Variants in PLCG2 observed in about 807,000 individuals in gnomAD.
The protein encoded by PLCG2 is 1-phosphatidylinositol 4,5-bisphosphate phosphodiesterase gamma-2.
In PLCG2, 69 loss-of-function variants were observed where a neutral mutation model predicts 175.6. The ratio of observed to expected loss-of-function variants is 0.39; its 90% CI spans 0.32 to 0.48. The LOEUF is 0.48. Among genes scored for constraint, PLCG2 ranks in the 20% least tolerant of loss-of-function variants. The pLI is 0.91. For missense variants in PLCG2, 1,798 were observed against 1,650.9 expected (o/e 1.09, Z -1.54); for synonymous variants, 827 against 624.0 (o/e 1.33, Z -4.85).
rs188024112 is a variant in PLCG2, at chr16:81,841,759, A to G, written c.194-12685A>G. On this transcript the variant is annotated intron_variant, in intron 2 of 32. Coordinates refer to ENST00000564138, the MANE Select transcript of PLCG2 (RefSeq NM_002661.5). ...GTGTGCCTCGGAAGCCCCTTTTGTCATTACATGTTCTTCTGCTGTGTATCT... is the reference window on the plus strand; with the variant it reads ...GTGTGCCTCGGAAGCCCCTTTTGTCGTTACATGTTCTTCTGCTGTGTATCT... 9.8e-4 allele frequency among the ~76,000 whole-genome samples: 149 copies of G among 152,232 alleles called. 2 individuals are homozygous for G. The East Asian group carries it at 0.023, about 23-fold the overall frequency.
At chr16:81,854,619 C>T (rs1450987012) in intron 3 of PLCG2, 32 bp downstream of exon 3, 3 of 1,604,836 alleles carry the variant, frequency 1.9e-6, no homozygotes, top group South Asian at 2.2e-5. Context: ...TTTCTCCTTC[C>T]CTGTGCCTTA....
At chr16:81,910,844 A>T in intron 18 of PLCG2, 124 bp downstream of exon 18, 4 of 885,406 alleles carry the variant, frequency 4.5e-6, no homozygotes. Flanking sequence ...GCCCACCGGC[A>T]TCTCAAAATT....
At chr16:81,938,607 T>G in intron 28 of PLCG2, 194 bp from the exon 29 acceptor site, 1 of 579,896 alleles carries the variant, frequency 1.7e-6, no homozygotes, top group East Asian at 2.8e-5. Flanking sequence ...AGGCTGATGC[T>G]GAGGAACTGT....
chr16:81,772,301 C>T (rs945261668), intron 2 of PLCG2, among the ~76,000 whole-genome samples: 5 of 152,090 alleles, frequency 3.3e-5, no homozygotes, highest in African/African-American at 7.2e-5. Flanking sequence ...CCACAGAACC[C>T]GGGAGAAAGG....
intron 2 of PLCG2, among the ~76,000 whole-genome samples, chr16:81,816,128 T>C (rs552792681): frequency 4.6e-5 from 7 of 151,856 alleles, no homozygotes; most frequent in African/African-American, 1.7e-4. Flanking sequence ...CCCAGCACTT[T>C]GGGAGGCTGA....
chr16:81,937,943 C>G, intron 28 of PLCG2, 40 bp downstream of exon 28: 1 of 1,607,406 alleles, frequency 6.2e-7, no homozygotes, highest in Non-Finnish European at 8.5e-7. Flanking sequence ...GAGCCAGCCG[C>G]CCTCCCTGGG....
At chr16:81,743,834 A>C (rs1186234463) in intron 1 of PLCG2, among the ~76,000 whole-genome samples, 2 of 151,450 alleles carry the variant, frequency 1.3e-5, no homozygotes, top group Admixed American at 6.6e-5. Context: ...TTTCAGTTAC[A>C]TGAGGGGATA....
intron 1 of PLCG2, among the ~76,000 whole-genome samples, chr16:81,783,942 C>T (rs1910857098): frequency 6.6e-6 from 1 of 152,044 alleles, no homozygotes; most frequent in Admixed American, 6.6e-5. Flanking sequence ...TGCTTTTTTC[C>T]CCTGAAAGCT....
rs1911703468 is a variant in PLCG2 at position 81,959,521 on chromosome 16, A to G, written c.*1523A>G. ...ACAAGCTCCTAAAAGAAAGCCATTT[A>G]CCTCGCTTGAAGCCAGGAACACAGG... On this transcript the variant is annotated 3_prime_UTR_variant, in exon 33 of 33. Transcript: ENST00000564138. 1 of 209,788 alleles carries G rather than the reference A, an allele frequency of 4.8e-6. No homozygotes were observed. Among genetic ancestry groups the G allele is most frequent in the East Asian group, 7.2e-5 (1 of 13,980 alleles). The allele number at this position is 209,788 out of a possible 1,614,324, so 13.0% of individuals were successfully genotyped here. A position where few individuals can be genotyped will look rare whatever the true frequency, so the allele number is the denominator to read the frequency against.
chr16:81,928,581 G>C lies in PLCG2; in HGVS notation c.2538G>C (p.Gly846=). The C allele has an allele frequency of 1.9e-6, 3 of 1,607,470 alleles. No individual in the cohort carries two copies. The highest frequency in any genetic ancestry group is 2.2e-5 in the South Asian group (2 of 90,942). ...EKQIIEDNPL[G]SLCRGILDLN... is the part of the protein sequence containing the mutation. ...AGATTATTGAAGACAATCCCTTAGGGTCTCTTTGCAGAGGAATATTGGACC... is the reference window on the plus strand; with the variant it reads ...AGATTATTGAAGACAATCCCTTAGGCTCTCTTTGCAGAGGAATATTGGACC... The change falls in exon 24 of 33, where the codon GGG becomes GGC. Residue 846 remains glycine, a synonymous_variant. Transcript: ENST00000564138.
chr16:81,863,673 C>T (rs968203647), intron 5 of PLCG2, among the ~76,000 whole-genome samples: 3 of 152,244 alleles, frequency 2.0e-5, no homozygotes, highest in African/African-American at 7.2e-5. Context: ...GCAGCTACAC[C>T]TTCCCAAGGC....
At chr16:81,913,488 T>G (rs1032044063) in intron 19 of PLCG2, among the ~76,000 whole-genome samples, 4 of 152,210 alleles carry the variant, frequency 2.6e-5, no homozygotes, top group African/African-American at 7.2e-5. Flanking sequence ...TCAACTGAGT[T>G]TGAGGTTCAG....
In PLCG2 at chr16:81,934,517, C is replaced by A; in HGVS notation, c.2828C>A (p.Thr943Asn). The A allele has an allele frequency of 6.2e-7, 1 of 1,605,776 alleles. No individual in the cohort carries two copies. The highest frequency in any genetic ancestry group is 8.5e-7 in the Non-Finnish European group (1 of 1,172,594). The change falls in exon 26 of 33, where the codon ACC (threonine) becomes AAC (asparagine). Residue 943 changes from threonine (T) to asparagine (N), a missense_variant. By Grantham distance (65) the Thr-to-Asn change is moderately conservative. Transcript: ENST00000564138. ...GTCTACTGCAAACCAACCAGCAAAA[C>A]CAAGGACAACTTAGGTAACATCTTT... is the stretch of plus-strand genomic sequence containing the variant. ...LVVYCKPTSK[T>N]KDNLENPDFR...
chr16:81,771,264 G>T (rs1179728247), intron 2 of PLCG2, among the ~76,000 whole-genome samples: 1 of 152,100 alleles, frequency 6.6e-6, no homozygotes, highest in Non-Finnish European at 1.5e-5. Flanking sequence ...GTCTCTTTCT[G>T]TTGCTCAGGC....
Position 81,880,127 on chromosome 16 carries a change from G to A in PLCG2, c.649-783G>A, listed in dbSNP as rs529053379. Among the ~76,000 whole-genome samples, 17 of 152,306 alleles carry A rather than the reference G, an allele frequency of 1.1e-4. No individual in the cohort carries two copies. The South Asian group carries it at 3.5e-3, about 32-fold the overall frequency. ...ATGGTGGCGCATGCCTGTAGTCCTAGTTACGCAGGAAGCTAATACAGGAAG... is the reference window on the plus strand; with the variant it reads ...ATGGTGGCGCATGCCTGTAGTCCTAATTACGCAGGAAGCTAATACAGGAAG... On this transcript the variant is annotated intron_variant, in intron 7 of 32. Coordinates refer to ENST00000564138, the MANE Select transcript of PLCG2 (RefSeq NM_002661.5).
chr16:81,907,174 AAG>A (rs1417135105), intron 15 of PLCG2, among the ~76,000 whole-genome samples: 5 of 152,166 alleles, frequency 3.3e-5, no homozygotes, highest in African/African-American at 9.7e-5. Context: ...TATTAAAAAA[AAG>A]AGTTTCTGCA....
chr16:81,904,668 A>C (rs568263121), intron 14 of PLCG2, among the ~76,000 whole-genome samples: 1 of 152,164 alleles, frequency 6.6e-6, no homozygotes, highest in African/African-American at 2.4e-5. Flanking sequence ...TTGTTTATTC[A>C]CCGAGTATCA....
chr16:81,897,531 T>C (rs1299830465), intron 13 of PLCG2, among the ~76,000 whole-genome samples: 2 of 124,132 alleles, frequency 1.6e-5, no homozygotes, highest in African/African-American at 5.6e-5. Flanking sequence ...TTCTCTTTTT[T>C]TCTTTTCTTT....
chr16:81,898,719 A>G, intron 13 of PLCG2: 1 of 152,038 alleles, frequency 6.6e-6, no homozygotes, highest in Non-Finnish European at 1.5e-5. Context: ...ATAACTGGGG[A>G]AATTTGAGTA....
Sources: allele counts gnomAD v4.1 joint callset (sites outside exome capture counted in the v4.1 genomes callset), GRCh38; gene constraint gnomAD v4.1.1; transcripts MANE v1.5; gene names NCBI Gene and HGNC (gene_info 2026-07-23, HGNC 2026-07-21).